Variants in HHLA1 observed in about 807,000 individuals in gnomAD.
HHLA1 encodes HHLA1 neighbor of OC90.
In HHLA1, 72 loss-of-function variants were observed where a neutral mutation model predicts 69.9. The ratio of observed to expected loss-of-function variants is 1.03; its 90% CI spans 0.85 to 1.25. The LOEUF (loss-of-function observed/expected upper bound fraction) is 1.25. Ranked by LOEUF, HHLA1 falls within the 50% of genes most tolerant of loss-of-function variation. HHLA1 has a pLI of 0.00. For synonymous variants in HHLA1, 252 were observed against 233.2 expected, an observed-to-expected ratio of 1.08 and a Z score of -0.73; for missense variants, 685 against 642.2, an observed-to-expected ratio of 1.07 and a Z score of -0.72.
At position 132,079,792 on chromosome 8, in the gene HHLA1, G is replaced by A. The variant is rs1208636642; in HGVS notation, c.851C>T (p.Thr284Ile). ...GGCTGGAAGCTCAGGAGGCCTGCCTGTGTTCAGGGTCTCCTCTGTTTCTGA... is the reference window on the plus strand; with the variant it reads ...GGCTGGAAGCTCAGGAGGCCTGCCTATGTTCAGGGTCTCCTCTGTTTCTGA... The part of the protein sequence containing the change: ...APSETEETLN[T>I]GRPPELPARA... The change falls in exon 11 of 17, where the codon ACA becomes ATA. Residue 284 changes from threonine to isoleucine, a missense_variant. Thr to Ile is a moderately conservative substitution (Grantham distance 89, BLOSUM62 -1). Coordinates refer to ENST00000414222, the MANE Select transcript of HHLA1 (RefSeq NM_001145095.3). 3 of 1,551,596 alleles carry A rather than the reference G, an allele frequency of 1.9e-6. No individual in the cohort carries two copies. Among genetic ancestry groups the A allele is most frequent in the South Asian group, 1.2e-5 (1 of 84,056 alleles).
At chr8:132,093,534 G>A (rs1823976100) in intron 7 of HHLA1, among the ~76,000 whole-genome samples, 1 of 152,174 alleles carries the variant, frequency 6.6e-6, no homozygotes, top group African/African-American at 2.4e-5. Flanking sequence ...TACGTGTACA[G>A]CCTCTCATGG....
intron 10 of HHLA1, 42 bp downstream of exon 10, chr8:132,087,611 T>A (rs1823884304): frequency 7.5e-7 from 1 of 1,336,626 alleles, no homozygotes; most frequent in Non-Finnish European, 1.1e-6. Flanking sequence ...GGGACCCTGG[T>A]CTGGAGAGTC....
intron 10 of HHLA1, among the ~76,000 whole-genome samples, chr8:132,081,361 A>C (rs1406293125): frequency 6.6e-6 from 1 of 152,148 alleles, no homozygotes; most frequent in Admixed American, 6.5e-5. Context: ...ACAGGCCTGA[A>C]TTCTGAGAAG....
At chr8:132,071,819 T>A (rs1490623710) in intron 14 of HHLA1, among the ~76,000 whole-genome samples, 3 of 152,106 alleles carry the variant, frequency 2.0e-5, no homozygotes, top group Non-Finnish European at 2.9e-5. Flanking sequence ...GGGCATACAA[T>A]GACTCTGCGT....
At chr8:132,076,419 T>TAA in intron 13 of HHLA1, 56 bp downstream of exon 13, 2 of 596,568 alleles carry the variant, frequency 3.4e-6, no homozygotes, top group Non-Finnish European at 6.1e-6. Context: ...TCCCCAAGCT[T>TAA]CCCACCCCTC....
At chr8:132,082,333 G>A (rs1019776206) in intron 10 of HHLA1, among the ~76,000 whole-genome samples, 7 of 152,208 alleles carry the variant, frequency 4.6e-5, no homozygotes, top group Admixed American at 3.9e-4. Flanking sequence ...GCAGACATGA[G>A]GGCTAGGCTA....
rs2130890185 is a variant in HHLA1, at chr8:132,088,047, A to T, written c.533-146T>A. The T allele has an allele frequency of 9.1e-6, 6 of 662,508 alleles. No individual in the cohort carries two copies. The Middle Eastern group carries it at 1.6e-3, about 180-fold the overall frequency. The allele number at this position is 662,508 out of a possible 1,614,324, so 41.0% of individuals were successfully genotyped here. A position where few individuals can be genotyped will look rare whatever the true frequency, so the allele number is the denominator to read the frequency against. On this transcript the variant is annotated intron_variant, in intron 8 of 16. Coordinates refer to ENST00000414222, the MANE Select transcript of HHLA1 (RefSeq NM_001145095.3). ...ACTCTTTACTCTTAAGGCAGTCCTC[A>T]TTTTCCAATTTCTTTATTTTATTTG...
chr8:132,082,073 TG>T (rs1475342689), intron 10 of HHLA1, among the ~76,000 whole-genome samples: 1 of 151,972 alleles, frequency 6.6e-6, no homozygotes, highest in Non-Finnish European at 1.5e-5. Flanking sequence ...GATACAGTAA[TG>T]GGGGCCAGGT....
intron 10 of HHLA1, among the ~76,000 whole-genome samples, chr8:132,086,745 A>T (rs991890314): frequency 6.6e-6 from 1 of 152,214 alleles, no homozygotes. Flanking sequence ...TGCCCATTTC[A>T]TCTTCTTATC....
chr8:132,083,495 C>T (rs1823798407), intron 10 of HHLA1, among the ~76,000 whole-genome samples: 1 of 152,140 alleles, frequency 6.6e-6, no homozygotes, highest in Non-Finnish European at 1.5e-5. Flanking sequence ...CGGGCAGTGT[C>T]AGTCTTCAGC....
intron 8 of HHLA1, among the ~76,000 whole-genome samples, chr8:132,088,419 G>A (rs1387268823): frequency 6.6e-6 from 1 of 152,184 alleles, no homozygotes; most frequent in African/African-American, 2.4e-5. Flanking sequence ...GGGCTTCTCT[G>A]GATGCTGTTG....
chr8:132,076,430 CCATCCCCCA>C, intron 13 of HHLA1, 36 bp downstream of exon 13: 2 of 823,078 alleles, frequency 2.4e-6, no homozygotes, highest in Admixed American at 2.5e-5. Flanking sequence ...CCCACCCCTC[CCATCCCCCA>C]CCCCCAAACC....
rs1586721050 is a variant in HHLA1 at position 132,063,664 on chromosome 8, A to G, written c.*331T>C. The G allele has an allele frequency of 6.0e-6, 1 of 165,758 alleles. No homozygotes were observed. The highest frequency in any genetic ancestry group is 1.3e-5 in the Non-Finnish European group (1 of 74,974). 10.3% of individuals were successfully genotyped at this position (165,758 alleles called of 1,614,324 possible). Reference sequence around the variant, plus strand: ...CAGGCTAGAGTGCCCACGCATCCCCAGTTTTTAAATTGTCAGGATTGCCTC... The same window carrying G: ...CAGGCTAGAGTGCCCACGCATCCCCGGTTTTTAAATTGTCAGGATTGCCTC... On this transcript the variant is annotated 3_prime_UTR_variant, in exon 17 of 17. Coordinates refer to ENST00000414222, the MANE Select transcript of HHLA1 (RefSeq NM_001145095.3).
intron 16 of HHLA1, among the ~76,000 whole-genome samples, chr8:132,064,871 ATTC>A (rs1248262463): frequency 6.6e-6 from 1 of 152,202 alleles, no homozygotes; most frequent in Non-Finnish European, 1.5e-5. Context: ...CCCAGCTGGT[ATTC>A]TTCAGGACCC....
At chr8:132,086,985 T>C (rs1012961842) in intron 10 of HHLA1, among the ~76,000 whole-genome samples, 3 of 152,184 alleles carry the variant, frequency 2.0e-5, no homozygotes, top group Non-Finnish European at 2.9e-5. Context: ...TTCCTTTCAT[T>C]GAGGAGACAC....
chr8:132,106,326 C>A (rs1438443356), intron 1 of HHLA1, among the ~76,000 whole-genome samples: 3 of 152,126 alleles, frequency 2.0e-5, no homozygotes, highest in African/African-American at 4.8e-5. Flanking sequence ...AATGGGAAGG[C>A]CCTGTGGAAT....
chr8:132,095,989 G>T (rs1824021707), intron 5 of HHLA1, among the ~76,000 whole-genome samples: 1 of 152,194 alleles, frequency 6.6e-6, no homozygotes. Context: ...TGTATCATTT[G>T]TCTATATTTC....
chr8:132,106,993 T>C (rs1824212043), intron 1 of HHLA1, among the ~76,000 whole-genome samples: 2 of 152,190 alleles, frequency 1.3e-5, no homozygotes, highest in South Asian at 4.1e-4. Flanking sequence ...TTTGTGAAGA[T>C]TAAATGAGAA....
chr8:132,108,323 T>C (rs1232479565), intron 1 of HHLA1, among the ~76,000 whole-genome samples: 1 of 152,162 alleles, frequency 6.6e-6, no homozygotes, highest in Non-Finnish European at 1.5e-5. Flanking sequence ...ACCAACAATA[T>C]AGTGATAATA....
Sources: gnomAD v4.1 joint callset for allele counts (sites outside exome capture counted in the v4.1 genomes callset) on GRCh38, gnomAD v4.1.1 for gene constraint, MANE v1.5 for transcripts, NCBI Gene and HGNC (gene_info 2026-07-23, HGNC 2026-07-21) for gene names.